STARD3: variants seen among roughly 807,000 people sequenced by gnomAD.
STARD3 encodes stAR-related lipid transfer protein 3.
STARD3 carries 39 observed loss-of-function variants against 62.0 expected under a neutral mutation model. The observed-to-expected ratio is 0.63, with a 90% CI of 0.49 to 0.82. The LOEUF is 0.82. Ranked by LOEUF, STARD3 falls within the 40% of genes least tolerant of loss-of-function variation. STARD3 has a pLI of 0.00. For synonymous variants in STARD3, 229 were observed against 242.4 expected (o/e 0.94, Z 0.51); for missense variants, 543 against 584.5 (o/e 0.93, Z 0.73).
intron 2 of STARD3, among the ~76,000 whole-genome samples, chr17:39,655,171 T>G (rs955628427): frequency 3.9e-5 from 6 of 152,148 alleles, no homozygotes; most frequent in African/African-American, 1.4e-4. Flanking sequence ...CTGAAAAGAT[T>G]TTGATAATTT....
rs758139013 is a variant in STARD3 at position 39,662,360 on chromosome 17, G to A, written c.1233+16G>A. ...AGATCTCAAGGTGGGGTGCTGGGGG[G>A]CTGCCAGGTGGGTTCTGTGGAGTGG... On this transcript the variant is annotated intron_variant, in intron 14 of 14. Coordinates refer to ENST00000336308, the MANE Select transcript of STARD3 (RefSeq NM_006804.4). The A allele has an allele frequency of 1.9e-6, 3 of 1,611,204 alleles. No homozygotes were observed. The highest frequency in any genetic ancestry group is 1.7e-5 in the Admixed American group (1 of 59,700).
At chr17:39,638,511 G>A (rs898397630) in intron 1 of STARD3, among the ~76,000 whole-genome samples, 4 of 152,112 alleles carry the variant, frequency 2.6e-5, no homozygotes, top group Non-Finnish European at 4.4e-5. Context: ...ACCAGCCCCC[G>A]CTGCTTGGAA....
At position 39,653,997 on chromosome 17, in the gene STARD3, C is replaced by G. The variant is rs368405750; in HGVS notation, c.219+247C>G. On this transcript the variant is annotated intron_variant, in intron 2 of 14. Transcript: ENST00000336308. ...GTGAAGGCAACGGCCTTGAACCTAC[C>G]CTCCAGCTGAGTTCATGCTCTTGGC... Among the ~76,000 whole-genome samples the G allele has an allele frequency of 1.6e-4, 24 of 152,338 alleles. No homozygotes were observed. In the East Asian group the frequency reaches 2.5e-3, roughly 16 times the overall value.
At chr17:39,661,213 TG>T in intron 13 of STARD3, 128 bp downstream of exon 13, 1 of 778,930 alleles carries the variant, frequency 1.3e-6, no homozygotes, top group South Asian at 1.7e-5. Context: ...CCTGTCCCGC[TG>T]GGCTCTGCTC....
At chr17:39,654,139 C>T (rs1453669986) in intron 2 of STARD3, among the ~76,000 whole-genome samples, 1 of 151,214 alleles carries the variant, frequency 6.6e-6, no homozygotes, top group Non-Finnish European at 1.5e-5. Context: ...CCCTCTGGCT[C>T]CAGTTGGTTC....
chr17:39,660,897 C>T lies in STARD3; in HGVS notation c.1034+8C>T. ...CGGCGTGGTCTCCCCAAGGTGAGTC[C>T]ATGCCGGGCCCCCTCCTTTCAGCCA... On this transcript the variant is annotated splice_region_variant and intron_variant, in intron 12 of 14. Coordinates refer to ENST00000336308, the MANE Select transcript of STARD3 (RefSeq NM_006804.4). This position sits in a 1 kb window ranked among gnomAD's most constrained non-coding sequence, Gnocchi z 4.8. The T allele has an allele frequency of 6.2e-7, 1 of 1,604,504 alleles. No homozygotes were observed. The highest frequency in any genetic ancestry group is 8.5e-7 in the Non-Finnish European group (1 of 1,173,378).
rs1317908256 is a variant in STARD3 at position 39,660,895 on chromosome 17, T to G, written c.1034+6T>G. On this transcript the variant is annotated splice_donor_region_variant and intron_variant, in intron 12 of 14. Transcript: ENST00000336308. The surrounding 1 kb of genome is among the most constrained non-coding windows in gnomAD (Gnocchi z 4.8). Reference sequence around the variant, plus strand: ...GGCGGCGTGGTCTCCCCAAGGTGAGTCCATGCCGGGCCCCCTCCTTTCAGC... The same window carrying G: ...GGCGGCGTGGTCTCCCCAAGGTGAGGCCATGCCGGGCCCCCTCCTTTCAGC... 1 of 1,604,272 alleles carries G rather than the reference T, an allele frequency of 6.2e-7. No homozygotes were observed. The highest frequency in any genetic ancestry group is 2.2e-5 in the East Asian group (1 of 44,650).
At chr17:39,658,584 T>TG in intron 6 of STARD3, 62 bp downstream of exon 6, 2 of 1,575,836 alleles carry the variant, frequency 1.3e-6, no homozygotes, top group African/African-American at 2.7e-5. Context: ...AGAGGGGAGT[T>TG]GCGGGCATGA....
intron 1 of STARD3, among the ~76,000 whole-genome samples, chr17:39,651,054 C>G (rs1196533108): frequency 2.0e-5 from 3 of 152,240 alleles, no homozygotes; most frequent in Non-Finnish European, 4.4e-5. Flanking sequence ...TGCCAGCGGC[C>G]TGTCACATCC....
chr17:39,662,633 C>A (rs2057212798), intron 14 of STARD3, 171 bp from the exon 15 acceptor site: 2 of 673,218 alleles, frequency 3.0e-6, no homozygotes, highest in South Asian at 1.9e-5. Flanking sequence ...GTGCCAAGAG[C>A]CAGGCCCAGC....
intron 8 of STARD3, 73 bp downstream of exon 8, chr17:39,659,179 C>A: frequency 1.3e-6 from 2 of 1,589,884 alleles, no homozygotes; most frequent in Non-Finnish European, 1.7e-6. Flanking sequence ...AGGGGTCAGC[C>A]GGGGTGGGCA....
At chr17:39,643,491 G>A (rs951637116) in intron 1 of STARD3, among the ~76,000 whole-genome samples, 8 of 152,130 alleles carry the variant, frequency 5.3e-5, no homozygotes, top group South Asian at 2.1e-4. Context: ...TGGTGCCACC[G>A]CAGGCCATGG....
At chr17:39,659,408 T>A (rs369419240) in intron 8 of STARD3, 53 bp from the exon 9 acceptor site, 1 of 1,552,846 alleles carries the variant, frequency 6.4e-7, no homozygotes, top group African/African-American at 1.4e-5. Context: ...GCCACGAACA[T>A]GGTGGACTGC....
chr17:39,657,538 A>C (rs1359040577), intron 3 of STARD3, among the ~76,000 whole-genome samples: 1 of 152,060 alleles, frequency 6.6e-6, no homozygotes, highest in South Asian at 2.1e-4. Flanking sequence ...AAAAAAAAAA[A>C]AAACCTTTCC....
At position 39,659,124 on chromosome 17, in the gene STARD3, C is replaced by G. The variant is rs771734394; in HGVS notation, c.702+18C>G. On this transcript the variant is annotated intron_variant, in intron 8 of 14. Transcript: ENST00000336308. Reference sequence around the variant, plus strand: ...CTGCTCAGGTATTTGCCTGCCTACCCCTAACCCCTGCCCTTGGAATGGGTG... The same window carrying G: ...CTGCTCAGGTATTTGCCTGCCTACCGCTAACCCCTGCCCTTGGAATGGGTG... 1.0e-4 allele frequency: 169 copies of G among 1,614,028 alleles called. No homozygotes were observed. The South Asian group carries it at 1.6e-3, about 15-fold the overall frequency.
Position 39,662,886 on chromosome 17 carries a change from G to C in STARD3, c.1316G>C (p.Ser439Thr). The part of the protein sequence containing the change: ...EFAFHLRQRI[S>T]ELGARA ...GCCTTTCACCTGCGACAGCGCATCA[G>C]CGAGCTGGGGGCCCGGGCGTGACTG... Residue 439 changes from serine to threonine, a missense_variant, in exon 15 of 15, where the codon AGC (serine) becomes ACC (threonine). Physicochemically the swap from Ser to Thr is moderately conservative, Grantham distance 58 (BLOSUM62 1). Coordinates refer to ENST00000336308, the MANE Select transcript of STARD3 (RefSeq NM_006804.4). 6.2e-7 allele frequency: 1 copy of C among 1,612,144 alleles called. No homozygotes were observed. Among genetic ancestry groups the C allele is most frequent in the Non-Finnish European group, 8.5e-7 (1 of 1,179,404 alleles).
In STARD3 at chr17:39,653,683, G is replaced by T. The variant is rs751173622; in HGVS notation, c.152G>T (p.Arg51Leu). Residue 51 changes from arginine (R) to leucine (L), a missense_variant, in exon 2 of 15, where the codon CGC (arginine) becomes CTC (leucine). Transcript: ENST00000336308. ...CGAAGGGCCATCTCTGATGTCCGCC[G>T]CACCTTCTGTCTCTTCGTCACCTTC... is the stretch of plus-strand genomic sequence containing the variant. ...EKRRAISDVRRTFCLFVTFDL... is the reference protein window; with the variant it reads ...EKRRAISDVRLTFCLFVTFDL... The T allele has an allele frequency of 4.3e-5, 70 of 1,614,040 alleles. No individual in the cohort carries two copies. Among genetic ancestry groups the T allele is most frequent in the Non-Finnish European group, 5.8e-5 (68 of 1,180,044 alleles).
At chr17:39,658,640 C>A (rs1479636478) in intron 6 of STARD3, 82 bp from the exon 7 acceptor site, 8 of 1,583,916 alleles carry the variant, frequency 5.1e-6, no homozygotes, top group Non-Finnish European at 6.9e-6. Context: ...CCTCCAGTAG[C>A]CTGAGGGGGA....
chr17:39,662,215 G>T (rs373191520), intron 13 of STARD3, 36 bp from the exon 14 acceptor site: 1 of 1,598,194 alleles, frequency 6.3e-7, no homozygotes, highest in African/African-American at 1.3e-5. Flanking sequence ...GCCTCACTCT[G>T]TTCCAAAGTC....
Sources: gnomAD v4.1 joint callset for allele counts (sites outside exome capture counted in the v4.1 genomes callset) on GRCh38, gnomAD v4.1.1 for gene constraint, Gnocchi (gnomAD v3.1) non-coding constraint, MANE v1.5 for transcripts, NCBI Gene and HGNC (gene_info 2026-07-23, HGNC 2026-07-21) for gene names.